Variants in LRRK2 observed in about 807,000 individuals in gnomAD.
LRRK2 encodes leucine rich repeat kinase 2.
In LRRK2, 203 loss-of-function variants were observed where a neutral mutation model predicts 302.6. The observed-to-expected ratio is 0.67, with a 90% CI of 0.60 to 0.75. The LOEUF (loss-of-function observed/expected upper bound fraction) is 0.75. Among genes scored for constraint, LRRK2 ranks in the 30% least tolerant of loss-of-function variants. The probability of loss-of-function intolerance (pLI) is 0.00; values close to 1 mark genes in which losing one functional copy is unlikely to be tolerated. For missense variants in LRRK2, 2,830 were observed against 2,951.0 expected (o/e 0.96, Z 0.95); for synonymous variants, 1,066 against 1,031.9 (o/e 1.03, Z -0.63).
chr12:40,266,873 A>C (rs565920927), intron 14 of LRRK2, among the ~76,000 whole-genome samples: 18 of 152,106 alleles, frequency 1.2e-4, no homozygotes, highest in African/African-American at 4.1e-4. Context: ...GGTACTCAGC[A>C]AAGTATGCCA....
chr12:40,278,948 T>G (rs1278150064), intron 18 of LRRK2, among the ~76,000 whole-genome samples: 3 of 152,086 alleles, frequency 2.0e-5, no homozygotes, highest in Non-Finnish European at 4.4e-5. Context: ...ACTTGGTGAG[T>G]TGTGTGAAAA....
intron 2 of LRRK2, among the ~76,000 whole-genome samples, chr12:40,230,512 G>A (rs933636988): frequency 1.3e-5 from 2 of 152,040 alleles, no homozygotes; most frequent in Non-Finnish European, 2.9e-5. Context: ...TATACAATCT[G>A]GCTTAAGCTC....
intron 13 of LRRK2, among the ~76,000 whole-genome samples, chr12:40,260,708 C>CTAA (rs1942733297): frequency 6.6e-6 from 1 of 152,026 alleles, no homozygotes; most frequent in Admixed American, 6.6e-5. Flanking sequence ...GGGAGAGAGA[C>CTAA]TAGATACAAG....
intron 7 of LRRK2, among the ~76,000 whole-genome samples, chr12:40,249,564 C>T (rs981989374): frequency 3.3e-5 from 5 of 152,222 alleles, no homozygotes; most frequent in Non-Finnish European, 5.9e-5. Flanking sequence ...AATCAGAGAA[C>T]ATACAGTTAA....
In LRRK2 at chr12:40,225,222, CAGAT is replaced by C. The variant is rs1477123331; in HGVS notation, c.95_98del (p.Ile32LysfsTer33). On this transcript the variant is annotated frameshift_variant, in exon 1 of 51. Coordinates refer to ENST00000298910, the MANE Select transcript of LRRK2 (RefSeq NM_198578.4). LOFTEE classifies it high-confidence loss of function. ...GCTGAACAATGTCCAGGAAGGAAAA[CAGAT>C]AGAAACGCTGGTCCAAATCCTGGAG... The C allele has an allele frequency of 1.2e-6, 2 of 1,614,200 alleles. No individual in the cohort carries two copies. The highest frequency in any genetic ancestry group is 1.7e-6 in the Non-Finnish European group (2 of 1,180,022).
chr12:40,332,758 G>A (rs1945747868), intron 39 of LRRK2, among the ~76,000 whole-genome samples: 2 of 152,030 alleles, frequency 1.3e-5, no homozygotes, highest in East Asian at 1.9e-4. Context: ...TAATGTGTAG[G>A]TAATTTCTTA....
chr12:40,335,005 G>C lies in LRRK2; in HGVS notation c.5796G>C (p.Leu1932Phe). The change falls in exon 40 of 51, where the codon TTG becomes TTC. Residue 1932 changes from leucine (L) to phenylalanine (F), a missense_variant. Leu to Phe is a conservative substitution (Grantham distance 22). Around this residue, in one of 3 missense-constraint regions of LRRK2, gnomAD observed 253 missense variants for 346.7 expected, o/e 0.73. Transcript: ENST00000298910. ...VVLCHLHHPS[L>F]ISLLAAGIRP... is the part of the protein sequence containing the mutation. ...TTTGCCACCTCCACCACCCCAGTTTGATATCTTTGCTGGCAGCTGGGATTC... is the reference window on the plus strand; with the variant it reads ...TTTGCCACCTCCACCACCCCAGTTTCATATCTTTGCTGGCAGCTGGGATTC... The C allele has an allele frequency of 6.2e-7, 1 of 1,614,090 alleles. No individual in the cohort carries two copies. The highest frequency in any genetic ancestry group is 8.5e-7 in the Non-Finnish European group (1 of 1,179,988).
chr12:40,298,110 T>C (rs1944452103), intron 23 of LRRK2, 133 bp from the exon 24 acceptor site: 3 of 855,876 alleles, frequency 3.5e-6, no homozygotes, highest in South Asian at 1.6e-5. Context: ...GAAATTCTGT[T>C]GTGGATTGTG....
Position 40,308,668 on chromosome 12 carries a change from T to A in LRRK2, c.4161T>A (p.Asp1387Glu). Residue 1387 changes from aspartate (D) to glutamate (E), a missense_variant, in exon 29 of 51, where the codon GAT becomes GAA. Around this residue, in one of 3 missense-constraint regions of LRRK2, gnomAD observed 2,121 missense variants for 2,148.0 expected, o/e 0.99. Coordinates refer to ENST00000298910, the MANE Select transcript of LRRK2 (RefSeq NM_198578.4). The part of the protein sequence containing the change: ...PIQIRDKRKR[D>E]LVLNVWDFAG... ...AAATAAGAGACAAAAGAAAGAGAGATCTCGTCCTAAATGTGTGGGATTTTG... is the reference window on the plus strand; with the variant it reads ...AAATAAGAGACAAAAGAAAGAGAGAACTCGTCCTAAATGTGTGGGATTTTG... 6.2e-7 allele frequency: 1 copy of A among 1,613,852 alleles called. No homozygotes were observed. Among genetic ancestry groups the A allele is most frequent in the Non-Finnish European group, 8.5e-7 (1 of 1,179,876 alleles).
intron 41 of LRRK2, among the ~76,000 whole-genome samples, chr12:40,346,278 T>C (rs1404613296): frequency 6.6e-6 from 1 of 151,806 alleles, no homozygotes; most frequent in East Asian, 1.9e-4. Context: ...ATAATGAGAG[T>C]GTTAGAATTT....
chr12:40,318,134 C>T (rs1188997358), intron 33 of LRRK2, among the ~76,000 whole-genome samples: 1 of 152,038 alleles, frequency 6.6e-6, no homozygotes, highest in Non-Finnish European at 1.5e-5. Context: ...CAGATTTTTT[C>T]TGTCCTCTTA....
intron 10 of LRRK2, among the ~76,000 whole-genome samples, chr12:40,252,066 A>G (rs77011528): frequency 6.6e-6 from 1 of 152,154 alleles, no homozygotes; most frequent in Non-Finnish European, 1.5e-5. Flanking sequence ...TTCAAACATC[A>G]TAAGACCGGC....
At chr12:40,341,023 T>C (rs1393396789) in intron 41 of LRRK2, among the ~76,000 whole-genome samples, 1 of 152,182 alleles carries the variant, frequency 6.6e-6, no homozygotes, top group African/African-American at 2.4e-5. Flanking sequence ...GTGACCCTAC[T>C]GAGGGTTTCT....
intron 2 of LRRK2, among the ~76,000 whole-genome samples, chr12:40,227,575 C>T (rs1940960674): frequency 6.6e-6 from 1 of 152,294 alleles, no homozygotes; most frequent in Middle Eastern, 3.4e-3. Flanking sequence ...CTGTACCTGG[C>T]TTATTTAATT....
At chr12:40,280,268 A>T (rs983927961) in intron 18 of LRRK2, among the ~76,000 whole-genome samples, 2 of 151,716 alleles carry the variant, frequency 1.3e-5, no homozygotes, top group Non-Finnish European at 2.9e-5. Flanking sequence ...TGAGAAACAT[A>T]GTGAGACTCC....
At chr12:40,349,708 G>T (rs749976335) in intron 43 of LRRK2, among the ~76,000 whole-genome samples, 3 of 152,020 alleles carry the variant, frequency 2.0e-5, no homozygotes, top group Non-Finnish European at 4.4e-5. Flanking sequence ...GTAGAGAAAG[G>T]GTCTCACTCT....
In LRRK2 at chr12:40,351,618, G is replaced by T. The variant is rs371316474; in HGVS notation, c.6461G>T (p.Cys2154Phe). 1.1e-5 allele frequency: 17 copies of T among 1,614,046 alleles called. No individual in the cohort carries two copies. The highest frequency in any genetic ancestry group is 1.2e-5 in the Non-Finnish European group (14 of 1,180,028). The change falls in exon 44 of 51, where the codon TGC becomes TTC. Residue 2154 changes from cysteine to phenylalanine, a missense_variant. Coordinates refer to ENST00000298910, the MANE Select transcript of LRRK2 (RefSeq NM_198578.4). ...TTACCTAAAAACGTAATTGTTGAAT[G>T]CATGGTTGCTACACATCACAACAGC... The part of the protein sequence containing the change: ...ILLPKNVIVE[C>F]MVATHHNSRN...
intron 32 of LRRK2, among the ~76,000 whole-genome samples, chr12:40,314,898 T>C (rs1336117125): frequency 6.6e-6 from 1 of 152,054 alleles, no homozygotes; most frequent in African/African-American, 2.4e-5. Flanking sequence ...AAATAAAACA[T>C]GTCTTTGTAG....
In LRRK2 at chr12:40,293,656, A is replaced by G; in HGVS notation, c.2801A>G (p.Asn934Ser). ...RCSPNLQRHS[N>S]SLGPIFDHED... is the part of the protein sequence containing the mutation. ...TCACCAAATTTGCAAAGACATTCCAATTCCTTGGTAAGTTAAATTGTGCAA... is the reference window on the plus strand; with the variant it reads ...TCACCAAATTTGCAAAGACATTCCAGTTCCTTGGTAAGTTAAATTGTGCAA... The change falls in exon 21 of 51, where the codon AAT becomes AGT. Residue 934 changes from asparagine (N) to serine (S), a missense_variant. By Grantham distance (46) the Asn-to-Ser change is conservative (BLOSUM62 1). Transcript: ENST00000298910. 2 of 1,598,324 alleles carry G rather than the reference A, an allele frequency of 1.3e-6. No individual in the cohort carries two copies. Among genetic ancestry groups the G allele is most frequent in the Non-Finnish European group, 1.7e-6 (2 of 1,166,414 alleles).
Sources: gnomAD v4.1 joint callset for allele counts (sites outside exome capture counted in the v4.1 genomes callset) on GRCh38, gnomAD v4.1.1 for gene constraint, gnomAD v4.1.1 regional missense constraint, MANE v1.5 for transcripts, NCBI Gene and HGNC (gene_info 2026-07-23, HGNC 2026-07-21) for gene names.